Variants in ECE2 observed in about 807,000 individuals in gnomAD.
The protein encoded by ECE2 is endothelin-converting enzyme 2.
In ECE2, 81 loss-of-function variants were observed where a neutral mutation model predicts 100.6. That is an observed-to-expected ratio of 0.81 (90% CI 0.67 to 0.97). The LOEUF (loss-of-function observed/expected upper bound fraction) is 0.97, where lower values mean the gene tolerates loss of function less well. ECE2 is among the 50% of genes least tolerant of loss of function. The pLI is 0.00. For synonymous variants in ECE2, 391 were observed against 391.5 expected (o/e 1.00, Z 0.02); for missense variants, 911 against 988.1 (o/e 0.92, Z 1.05).
intron 11 of ECE2, 92 bp downstream of exon 11, chr3:184,288,039 G>A (rs915081446): frequency 1.8e-5 from 21 of 1,190,574 alleles, no homozygotes; most frequent in East Asian, 5.2e-5. Context: ...AGCCAGGCGC[G>A]GTGGCTCACG....
chr3:184,288,626 G>C (rs974932361), intron 11 of ECE2, among the ~76,000 whole-genome samples: 4 of 152,074 alleles, frequency 2.6e-5, no homozygotes, highest in Non-Finnish European at 4.4e-5. Context: ...GGGTTGTGAG[G>C]ATCCTTAAAT....
chr3:184,284,955 T>G lies in ECE2; in HGVS notation c.1006-8T>G. On this transcript the variant is annotated splice_region_variant and splice_polypyrimidine_tract_variant and intron_variant, in intron 8 of 18. Coordinates refer to ENST00000404464, the MANE Select transcript of ECE2 (RefSeq NM_001100121.2). ...GGGCAGGCAAGGCCTGAGATTTTTT[T>G]CTTTCAGGCTCTGGCGCCCTCCATG... 1 of 1,612,428 alleles carries G rather than the reference T, an allele frequency of 6.2e-7. No homozygotes were observed. The highest frequency in any genetic ancestry group is 8.5e-7 in the Non-Finnish European group (1 of 1,179,400).
intron 9 of ECE2, 148 bp from the exon 10 acceptor site, chr3:184,285,330 T>C: frequency 2.3e-6 from 2 of 879,758 alleles, no homozygotes; most frequent in East Asian, 2.6e-5. Flanking sequence ...CAGGCAGGTG[T>C]GTGGCCCCGG....
At chr3:184,290,449 T>G (rs1721259368) in intron 14 of ECE2, 91 bp downstream of exon 14, 21 of 1,559,372 alleles carry the variant, frequency 1.3e-5, no homozygotes, top group Non-Finnish European at 1.9e-5. Context: ...GCAAGACTGG[T>G]CCCAGACCGG....
At chr3:184,281,193 C>T (rs1720803134) in intron 7 of ECE2, among the ~76,000 whole-genome samples, 1 of 152,178 alleles carries the variant, frequency 6.6e-6, no homozygotes, top group Non-Finnish European at 1.5e-5. Context: ...GCCAGACCCT[C>T]CTCTAGGCAT....
Position 184,289,512 on chromosome 3 carries a change from AC to A in ECE2, c.1453del (p.Arg485AlafsTer14). On this transcript the variant is annotated frameshift_variant, in exon 12 of 19. Transcript: ENST00000404464. LOFTEE classifies it high-confidence loss of function. The surrounding 1 kb of genome is among the most constrained non-coding windows in gnomAD (Gnocchi z 4.1). ...LGQLVWMDEKTRQAAKEKADA... is the reference protein window; with the variant it reads ...LGQLVWMDEKXRQAAKEKADA... ...ACAGCTGGTTTGGATGGATGAGAAG[AC>A]CCGCCAGGCAGCCAAGGAGAAAGTG... The A allele has an allele frequency of 6.2e-7, 1 of 1,612,578 alleles. No individual in the cohort carries two copies. Among genetic ancestry groups the A allele is most frequent in the Non-Finnish European group, 8.5e-7 (1 of 1,179,388 alleles).
intron 7 of ECE2, chr3:184,278,765 A>G: frequency 1.7e-6 from 1 of 603,848 alleles, no homozygotes; most frequent in Non-Finnish European, 2.9e-6. Context: ...TTATTCTTCT[A>G]GTAGGTTTCA....
chr3:184,291,293 G>A lies in ECE2; in HGVS notation c.2026-51G>A. ...GCTGGCCTGGGGTGAAAGGTGCCGG[G>A]TGGGTGGGGGCAGGCCTGGATGGGC... On this transcript the variant is annotated intron_variant, in intron 17 of 18. Coordinates refer to ENST00000404464, the MANE Select transcript of ECE2 (RefSeq NM_001100121.2). This position sits in a 1 kb window ranked among gnomAD's most constrained non-coding sequence, Gnocchi z 4.1. 6.3e-7 allele frequency: 1 copy of A among 1,589,144 alleles called. No homozygotes were observed. Among genetic ancestry groups the A allele is most frequent in the Non-Finnish European group, 8.6e-7 (1 of 1,165,616 alleles).
rs74631858 is a variant in ECE2 at position 184,278,833 on chromosome 3, C to G, written c.816+276C>G. On this transcript the variant is annotated intron_variant, in intron 7 of 18. Coordinates refer to ENST00000404464, the MANE Select transcript of ECE2 (RefSeq NM_001100121.2). ...GAATTCTGAGATATAAGTTTCCGAG[C>G]CATTGCCACAGGAAGCGTTCAGTGT... 4.9e-3 allele frequency: 2,445 copies of G among 501,242 alleles called. 55 individuals carry two copies. Among genetic ancestry groups the G allele is most frequent in the African/African-American group, 0.043 (2,214 of 51,948 alleles). The allele number at this position is 501,242 out of a possible 1,614,324, so 31.0% of individuals were successfully genotyped here. A position where few individuals can be genotyped will look rare whatever the true frequency, so the allele number is the denominator to read the frequency against.
intron 2 of ECE2, 142 bp from the exon 3 acceptor site, chr3:184,276,750 G>A: frequency 6.4e-7 from 1 of 1,555,070 alleles, no homozygotes; most frequent in South Asian, 1.2e-5. Flanking sequence ...CAGACTCAAG[G>A]CTCAACTCAC....
intron 10 of ECE2, among the ~76,000 whole-genome samples, 183 bp downstream of exon 10, chr3:184,285,775 G>A (rs1246361270): frequency 6.6e-6 from 1 of 152,172 alleles, no homozygotes; most frequent in Non-Finnish European, 1.5e-5. Flanking sequence ...AGGACCTTGG[G>A]CAGATCACCT....
At chr3:184,285,989 G>A (rs1056770545) in intron 10 of ECE2, among the ~76,000 whole-genome samples, 13 of 152,176 alleles carry the variant, frequency 8.5e-5, no homozygotes, top group Non-Finnish European at 1.6e-4. Context: ...AGTGGGGGGA[G>A]TGGACATGTA....
In ECE2 at chr3:184,284,542, CAAAAAAAAAA is replaced by C. The variant is rs35701535; in HGVS notation, c.1006-410_1006-401del. Among the ~76,000 whole-genome samples, 3 of 66,408 alleles carry C rather than the reference CAAAAAAAAAA, an allele frequency of 4.5e-5. No homozygotes were observed. The Admixed American group carries it at 5.2e-4, about 12-fold the overall frequency. 43.6% of individuals were successfully genotyped at this position (66,408 alleles called of 152,430 possible). The stretch of plus-strand genomic sequence containing the variant: ...GGGTGACAAGAGCGAAACTCCATCT[CAAAAAAAAAA>C]AAAAAAAAAATAGAAGTGAAAGTTT... On this transcript the variant is annotated intron_variant, in intron 8 of 18. Coordinates refer to ENST00000404464, the MANE Select transcript of ECE2 (RefSeq NM_001100121.2).
intron 1 of ECE2, 77 bp downstream of exon 1, chr3:184,276,269 C>G: frequency 7.0e-7 from 1 of 1,427,332 alleles, no homozygotes; most frequent in Non-Finnish European, 9.2e-7. Flanking sequence ...CGCGGAGGGG[C>G]AGGCGGTGCC....
At position 184,292,326 on chromosome 3, in the gene ECE2, C is replaced by G; in HGVS notation, c.*88C>G. On this transcript the variant is annotated 3_prime_UTR_variant, in exon 19 of 19. Coordinates refer to ENST00000404464, the MANE Select transcript of ECE2 (RefSeq NM_001100121.2). Reference sequence around the variant, plus strand: ...TGTTTGCTCTTGGGTTGGGAGGAAGCAAATGCAAGCTGGGCTGGGTCTAGT... The same window carrying G: ...TGTTTGCTCTTGGGTTGGGAGGAAGGAAATGCAAGCTGGGCTGGGTCTAGT... 2 of 1,510,362 alleles carry G rather than the reference C, an allele frequency of 1.3e-6. No homozygotes were observed. The highest frequency in any genetic ancestry group is 1.2e-5 in the South Asian group (1 of 81,482). The allele number at this position is 1,510,362 out of a possible 1,614,324, so 93.6% of individuals were successfully genotyped here. A position where few individuals can be genotyped will look rare whatever the true frequency, so the allele number is the denominator to read the frequency against.
At position 184,292,136 on chromosome 3, in the gene ECE2, C is replaced by T. The variant is rs1390637047; in HGVS notation, c.2196C>T (p.Phe732=). 3 of 1,613,966 alleles carry T rather than the reference C, an allele frequency of 1.9e-6. No individual in the cohort carries two copies. Among genetic ancestry groups the T allele is most frequent in the African/African-American group, 1.3e-5 (1 of 74,946 alleles). ...CCGACCCCCACAGCCCTGCCCGCTTCCGCGTGCTGGGCACTCTCTCCAACT... is the reference window on the plus strand; with the variant it reads ...CCGACCCCCACAGCCCTGCCCGCTTTCGCGTGCTGGGCACTCTCTCCAACT... The part of the protein sequence containing the change: ...LVTDPHSPAR[F]RVLGTLSNSR... The change falls in exon 19 of 19, where the codon TTC becomes TTT. Residue 732 remains phenylalanine (F), a synonymous_variant. Coordinates refer to ENST00000404464, the MANE Select transcript of ECE2 (RefSeq NM_001100121.2).
intron 9 of ECE2, 97 bp from the exon 10 acceptor site, chr3:184,285,381 T>G (rs960758751): frequency 1.5e-5 from 15 of 1,030,184 alleles, no homozygotes; most frequent in African/African-American, 3.2e-5. Context: ...CATATGCCTC[T>G]CGGGACTCCT....
intron 8 of ECE2, among the ~76,000 whole-genome samples, chr3:184,284,754 G>A (rs1178582183): frequency 2.0e-5 from 3 of 152,162 alleles, no homozygotes; most frequent in Non-Finnish European, 1.5e-5. Flanking sequence ...AATGTCACAT[G>A]TAGTGGTTAT....
intron 9 of ECE2, among the ~76,000 whole-genome samples, 182 bp from the exon 10 acceptor site, chr3:184,285,296 C>A (rs1316900508): frequency 1.3e-5 from 2 of 152,146 alleles, no homozygotes; most frequent in South Asian, 4.1e-4. Context: ...TCTGTCCCCC[C>A]ACTGCTCTCC....
Sources: allele counts gnomAD v4.1 joint callset (sites outside exome capture counted in the v4.1 genomes callset), GRCh38; gene constraint gnomAD v4.1.1; non-coding constraint Gnocchi (gnomAD v3.1); transcripts MANE v1.5; gene names NCBI Gene and HGNC (gene_info 2026-07-23, HGNC 2026-07-21).